EPHB4: variants seen among roughly 807,000 people sequenced by gnomAD.
EPHB4 encodes ephrin type-B receptor 4.
Under a neutral mutation model 110.6 loss-of-function variants are expected in EPHB4, and 50 were observed. The ratio of observed to expected loss-of-function variants is 0.45; its 90% confidence interval spans 0.36 to 0.57. EPHB4 has a LOEUF of 0.57. EPHB4 is among the 20% of genes least tolerant of loss of function. The pLI, the probability that EPHB4 is intolerant of heterozygous loss-of-function variation, is 0.00. For synonymous variants in EPHB4, 592 were observed against 578.4 expected (o/e 1.02, Z -0.34); for missense variants, 1,128 against 1,382.1 (o/e 0.82, Z 2.91).
chr7:100,812,540 G>A (rs756265583), intron 12 of EPHB4, among the ~76,000 whole-genome samples: 1 of 152,174 alleles, frequency 6.6e-6, no homozygotes, highest in Non-Finnish European at 1.5e-5. Context: ...AATGAGCCGA[G>A]ATCGCGCCAC....
chr7:100,806,190 C>T (rs1378800974), intron 14 of EPHB4: 2 of 388,242 alleles, frequency 5.2e-6, no homozygotes, highest in Non-Finnish European at 9.1e-6. Flanking sequence ...GAACTCCTAA[C>T]CTTAGGTGAT....
At chr7:100,814,713 A>AT (rs1813024680) in intron 8 of EPHB4, among the ~76,000 whole-genome samples, 1 of 152,024 alleles carries the variant, frequency 6.6e-6, no homozygotes, top group South Asian at 2.1e-4. Flanking sequence ...TTACGTCTCC[A>AT]TAAAAAGAAA....
Position 100,813,078 on chromosome 7 carries a change from C to A in EPHB4, c.1870+17G>T, listed in dbSNP as rs1329416629. ...CCCGCTTCGTTCCCAGGTGCCCGGG[C>A]AGCCTTCGGCTCTCACCTGCACCAA... On this transcript the variant is annotated intron_variant, in intron 11 of 16. Transcript: ENST00000358173. 1 of 1,613,236 alleles carries A rather than the reference C, an allele frequency of 6.2e-7. No homozygotes were observed. Among genetic ancestry groups the A allele is most frequent in the African/African-American group, 1.3e-5 (1 of 75,068 alleles).
chr7:100,820,101 C>T, intron 5 of EPHB4, 40 bp downstream of exon 5: 1 of 1,602,840 alleles, frequency 6.2e-7, no homozygotes, highest in Non-Finnish European at 8.5e-7. Context: ...AGGTCTGTGA[C>T]CCCTCCCCAG....
rs1813262852 is a variant in EPHB4 at position 100,822,569 on chromosome 7, G to C, written c.510C>G (p.Ser170Arg). 3.7e-6 allele frequency: 6 copies of C among 1,613,144 alleles called. No homozygotes were observed. Among genetic ancestry groups the C allele is most frequent in the South Asian group, 1.1e-5 (1 of 91,050 alleles). Reference protein sequence around the residue: ...NVKTLRLGPLSKAGFYLAFQD... With the variant: ...NVKTLRLGPLRKAGFYLAFQD... ...GGAAGGCCAGGTAGAAGCCAGCCTTGCTGAGCGGTCCCAGACGCAGCGTCT... is the reference window on the plus strand; with the variant it reads ...GGAAGGCCAGGTAGAAGCCAGCCTTCCTGAGCGGTCCCAGACGCAGCGTCT... The change falls in exon 4 of 17, where the codon AGC becomes AGG. Residue 170 changes from serine to arginine, a missense_variant. By Grantham distance (110) the Ser-to-Arg change is moderately radical (BLOSUM62 -1). Around this residue, in one of 3 missense-constraint regions of EPHB4, gnomAD observed 728 missense variants for 828.6 expected, o/e 0.88. Transcript: ENST00000358173. This position sits in a 1 kb window ranked among gnomAD's most constrained non-coding sequence, Gnocchi z 4.7.
rs751986016 is a variant in EPHB4 at position 100,813,134 on chromosome 7, C to T, written c.1831G>A (p.Asp611Asn). 6.8e-6 allele frequency: 11 copies of T among 1,612,324 alleles called. No homozygotes were observed. Among genetic ancestry groups the T allele is most frequent in the East Asian group, 2.2e-5 (1 of 44,882 alleles). ...TCTTCAATCTTGACGTAGGAGACAT[C>T]GATCTCTTTTGCAAATTCCCTCACA... The part of the protein sequence containing the change: ...EAVREFAKEI[D>N]VSYVKIEEVI... The change falls in exon 11 of 17, where the codon GAT becomes AAT. Residue 611 changes from aspartate (D) to asparagine (N), a missense_variant. By Grantham distance (23) the Asp-to-Asn change is conservative. This residue lies in a region of EPHB4 where 191 missense variants were observed against 313.0 expected (regional missense o/e 0.61). Coordinates refer to ENST00000358173, the MANE Select transcript of EPHB4 (RefSeq NM_004444.5).
rs1813192079 is a variant in EPHB4 at position 100,820,275 on chromosome 7, T to C, written c.830A>G (p.Lys277Arg). The change falls in exon 5 of 17, where the codon AAG becomes AGG. Residue 277 changes from lysine to arginine, a missense_variant. By Grantham distance (26) the Lys-to-Arg change is conservative. Around this residue, in one of 3 missense-constraint regions of EPHB4, gnomAD observed 728 missense variants for 828.6 expected, o/e 0.88. Transcript: ENST00000358173. ...GCAGGACCCTTCTCCTGACAGGGGC[T>C]TGAAGGTGCCCTGGGCACAGGCTGA... ...KCRACAQGTF[K>R]PLSGEGSCQP... 6.2e-7 allele frequency: 1 copy of C among 1,613,792 alleles called. No homozygotes were observed. The highest frequency in any genetic ancestry group is 8.5e-7 in the Non-Finnish European group (1 of 1,179,968).
At chr7:100,824,060 A>C (rs1813311826) in intron 2 of EPHB4, 129 bp from the exon 3 acceptor site, 1 of 1,518,808 alleles carries the variant, frequency 6.6e-7, no homozygotes. Flanking sequence ...GGCGCCTCTG[A>C]GAAGGGCTCA....
rs1189072151 is a variant in EPHB4, at chr7:100,816,879, C to T, written c.1588+313G>A. ...CGGGCGAATCACAAGGTCAGGAGTT[C>T]GAGACCAGCCTGGCCAACGCGGTGA... is the stretch of plus-strand genomic sequence containing the variant. On this transcript the variant is annotated intron_variant, in intron 8 of 16. Transcript: ENST00000358173. 2.0e-5 allele frequency among the ~76,000 whole-genome samples: 3 copies of T among 151,836 alleles called. 1 individual carries two copies. The highest frequency in any genetic ancestry group is 4.2e-4 in the South Asian group (2 of 4,816).
At position 100,819,693 on chromosome 7, in the gene EPHB4, C is replaced by T; in HGVS notation, c.1161G>A (p.Val387=). ...GCCCTCGAACCACCACCCAGGGCTCCACCAGGTCCCGGGGGCCGGGGTCAA... is the reference window on the plus strand; with the variant it reads ...GCCCTCGAACCACCACCCAGGGCTCTACCAGGTCCCGGGGGCCGGGGTCAA... The part of the protein sequence containing the change: ...LTFDPGPRDL[V]EPWVVVRGLR... The change falls in exon 6 of 17, where the codon GTG becomes GTA. Residue 387 remains valine, a synonymous_variant. Transcript: ENST00000358173. 14 of 1,613,724 alleles carry T rather than the reference C, an allele frequency of 8.7e-6. No homozygotes were observed. Among genetic ancestry groups the T allele is most frequent in the Non-Finnish European group, 1.2e-5 (14 of 1,179,964 alleles).
intron 14 of EPHB4, chr7:100,806,192 T>G (rs1468973050): frequency 2.6e-6 from 1 of 391,478 alleles, no homozygotes; most frequent in African/African-American, 2.1e-5. Flanking sequence ...ACTCCTAACC[T>G]TAGGTGATCT....
chr7:100,823,864 T>A lies in EPHB4; in HGVS notation c.191A>T (p.Gln64Leu). The A allele has an allele frequency of 6.2e-7, 1 of 1,612,460 alleles. No homozygotes were observed. Among genetic ancestry groups the A allele is most frequent in the Non-Finnish European group, 8.5e-7 (1 of 1,179,570 alleles). ...CCAGTGGGCCTGGCCCGGGGCACGC[T>A]GCACGTCACACACTTCGTAGGTGCG... ...SVRTYEVCDV[Q>L]RAPGQAHWLR... Residue 64 changes from glutamine (Q) to leucine (L), a missense_variant, in exon 3 of 17, where the codon CAG (glutamine) becomes CTG (leucine). Gln to Leu is a moderately radical substitution (Grantham distance 113). This residue lies in a region of EPHB4 where 728 missense variants were observed against 828.6 expected (regional missense o/e 0.88). Coordinates refer to ENST00000358173, the MANE Select transcript of EPHB4 (RefSeq NM_004444.5).
At chr7:100,826,829 T>G in intron 1 of EPHB4, 150 bp downstream of exon 1, 303 of 510,786 alleles carry the variant, frequency 5.9e-4, no homozygotes, top group Non-Finnish European at 7.3e-4. Flanking sequence ...CCCGCCCCCC[T>G]CCCGTTCCAG....
At chr7:100,804,502 A>G (rs1332922297) in intron 16 of EPHB4, among the ~76,000 whole-genome samples, 1 of 151,850 alleles carries the variant, frequency 6.6e-6, no homozygotes, top group Non-Finnish European at 1.5e-5. Context: ...TTTAGTAGAC[A>G]TAAGGTTTCA....
chr7:100,816,227 T>C lies in EPHB4; in HGVS notation c.1588+965A>G, dbSNP rs148056319. 1.9e-3 allele frequency among the ~76,000 whole-genome samples: 296 copies of C among 152,232 alleles called. 1 individual carries two copies. Among genetic ancestry groups the C allele is most frequent in the African/African-American group, 6.9e-3 (287 of 41,562 alleles). ...GCCTAGCATATTAAAAATAACCTGT[T>C]ACCTCCAATCCTCAAAGCCCTGCAG... On this transcript the variant is annotated intron_variant, in intron 8 of 16. Coordinates refer to ENST00000358173, the MANE Select transcript of EPHB4 (RefSeq NM_004444.5).
intron 7 of EPHB4, 27 bp from the exon 8 acceptor site, chr7:100,817,384 C>T (rs996884104): frequency 2.8e-5 from 43 of 1,524,908 alleles, no homozygotes; most frequent in Middle Eastern, 2.3e-4. Flanking sequence ...GTGGGGTGGC[C>T]GTCACCCGGG....
At chr7:100,826,926 G>T in intron 1 of EPHB4, 53 bp downstream of exon 1, 4 of 1,535,692 alleles carry the variant, frequency 2.6e-6, no homozygotes, top group South Asian at 1.2e-5. Flanking sequence ...CCAGATGTTG[G>T]GGGGGAGGTC....
chr7:100,823,537 C>T lies in EPHB4; in HGVS notation c.411+107G>A, dbSNP rs530916314. The T allele has an allele frequency of 1.1e-5, 16 of 1,397,374 alleles. No homozygotes were observed. The East Asian group carries it at 1.2e-4, about 10-fold the overall frequency. The allele number at this position is 1,397,374 out of a possible 1,614,324, so 86.6% of individuals were successfully genotyped here. Reference sequence around the variant, plus strand: ...TAAGCCTCCTGCTTCCAGCCCCCAGCGCGCGGGCCAGAGGCCTCGCAACTA... The same window carrying T: ...TAAGCCTCCTGCTTCCAGCCCCCAGTGCGCGGGCCAGAGGCCTCGCAACTA... On this transcript the variant is annotated intron_variant, in intron 3 of 16. Transcript: ENST00000358173.
At position 100,823,886 on chromosome 7, in the gene EPHB4, T is replaced by C. The variant is rs1163619443; in HGVS notation, c.169A>G (p.Thr57Ala). The C allele has an allele frequency of 1.2e-6, 2 of 1,607,762 alleles. No individual in the cohort carries two copies. Among genetic ancestry groups the C allele is most frequent in the Admixed American group, 1.7e-5 (1 of 59,034 alleles). ...GLDEEQHSVR[T>A]YEVCDVQRAP... ...CGCTGCACGTCACACACTTCGTAGG[T>C]GCGCACGCTGTGCTGTTCCTCATCC... Residue 57 changes from threonine (T) to alanine (A), a missense_variant, in exon 3 of 17, where the codon ACC becomes GCC. Thr to Ala is a moderately conservative substitution (Grantham distance 58). Around this residue, in one of 3 missense-constraint regions of EPHB4, gnomAD observed 728 missense variants for 828.6 expected, o/e 0.88. Transcript: ENST00000358173.
Sources: allele counts gnomAD v4.1 joint callset (sites outside exome capture counted in the v4.1 genomes callset), GRCh38; gene constraint gnomAD v4.1.1; regional missense constraint gnomAD v4.1.1; non-coding constraint Gnocchi (gnomAD v3.1); transcripts MANE v1.5; gene names NCBI Gene and HGNC (gene_info 2026-07-23, HGNC 2026-07-21).